The following HIBADH variants were observed in gnomAD, a reference collection of about 807,000 sequenced individuals.
HIBADH encodes 3-hydroxyisobutyrate dehydrogenase, mitochondrial.
HIBADH carries 25 observed loss-of-function variants against 36.1 expected under a neutral mutation model. The observed-to-expected ratio is 0.69, with a 90% CI of 0.50 to 0.97. The LOEUF (loss-of-function observed/expected upper bound fraction) is 0.97. Ranked by LOEUF, HIBADH falls within the 50% of genes least tolerant of loss-of-function variation. HIBADH has a pLI of 0.00. For missense variants in HIBADH, 421 were observed against 418.0 expected (o/e 1.01, Z -0.06); for synonymous variants, 160 against 149.5 (o/e 1.07, Z -0.51).
intron 7 of HIBADH, among the ~76,000 whole-genome samples, chr7:27,529,509 C>G (rs1029544713): frequency 6.6e-6 from 1 of 152,180 alleles, no homozygotes; most frequent in African/African-American, 2.4e-5. Flanking sequence ...GAGAAAGTCA[C>G]TGCAGACGTG....
chr7:27,623,910 G>A (rs1379444420), intron 4 of HIBADH, among the ~76,000 whole-genome samples: 4 of 152,108 alleles, frequency 2.6e-5, no homozygotes, highest in Admixed American at 6.6e-5. Flanking sequence ...TGATTCTCCC[G>A]CCTCAGCCTA....
rs181728489 is a variant in HIBADH at position 27,605,085 on chromosome 7, T to C, written c.484+24286A>G. Among the ~76,000 whole-genome samples, 235 of 152,286 alleles carry C rather than the reference T, an allele frequency of 1.5e-3. 1 individual carries two copies. Among genetic ancestry groups the C allele is most frequent in the Non-Finnish European group, 2.5e-3 (168 of 67,998 alleles). On this transcript the variant is annotated intron_variant, in intron 4 of 7. Coordinates refer to ENST00000265395, the MANE Select transcript of HIBADH (RefSeq NM_152740.4). ...CTGACAACATATCCTATCACCTGGA[T>C]AGCTGTATTAAGTAATTTAATTGTT...
intron 7 of HIBADH, 61 bp from the exon 8 acceptor site, chr7:27,526,433 GGTTC>G (rs1017406762): frequency 7.2e-7 from 1 of 1,382,568 alleles, no homozygotes; most frequent in Non-Finnish European, 9.6e-7. Context: ...TTGGAACTGT[GGTTC>G]CTTATGTTTT....
chr7:27,617,068 G>C (rs889779775), intron 4 of HIBADH, among the ~76,000 whole-genome samples: 1 of 123,798 alleles, frequency 8.1e-6, no homozygotes, highest in Non-Finnish European at 1.7e-5. Flanking sequence ...AATGTCCTGG[G>C]CCTTCACATT....
At position 27,633,712 on chromosome 7, in the gene HIBADH, CT is replaced by C. The variant is rs112916339; in HGVS notation, c.253-1268del. Among the ~76,000 whole-genome samples, 1,152 of 152,126 alleles carry C rather than the reference CT, an allele frequency of 7.6e-3. 13 individuals carry two copies. Among genetic ancestry groups the C allele is most frequent in the African/African-American group, 0.026 (1,085 of 41,496 alleles). The stretch of plus-strand genomic sequence containing the variant: ...TCCGGCATCCCAACTGTCACAACAT[CT>C]TCTGCAAAGCCTTTTTTCTCTTCAT... On this transcript the variant is annotated intron_variant, in intron 2 of 7. Coordinates refer to ENST00000265395, the MANE Select transcript of HIBADH (RefSeq NM_152740.4).
At chr7:27,558,649 T>C (rs1392660509) in intron 4 of HIBADH, among the ~76,000 whole-genome samples, 4 of 151,986 alleles carry the variant, frequency 2.6e-5, no homozygotes, top group East Asian at 1.9e-4. Context: ...GTGAGCCATA[T>C]TCACTCCAGC....
chr7:27,652,859 C>G (rs532176217), intron 1 of HIBADH, among the ~76,000 whole-genome samples: 205 of 152,238 alleles, frequency 1.3e-3, no homozygotes, highest in African/African-American at 4.7e-3. Context: ...CCAGGCGCAG[C>G]GGCTCACGCC....
intron 4 of HIBADH, among the ~76,000 whole-genome samples, chr7:27,555,910 T>A (rs1457575800): frequency 6.6e-6 from 1 of 152,148 alleles, no homozygotes; most frequent in African/African-American, 2.4e-5. Context: ...TAGGGTCACA[T>A]GATCAAGGGT....
At chr7:27,561,259 T>C (rs748076600) in intron 4 of HIBADH, among the ~76,000 whole-genome samples, 1 of 152,292 alleles carries the variant, frequency 6.6e-6, no homozygotes, top group Non-Finnish European at 1.5e-5. Flanking sequence ...CAAATTCCAC[T>C]CAAAACTTGC....
Position 27,549,229 on chromosome 7 carries a change from C to G in HIBADH, c.485-6129G>C, listed in dbSNP as rs146423347. On this transcript the variant is annotated intron_variant, in intron 4 of 7. Coordinates refer to ENST00000265395, the MANE Select transcript of HIBADH (RefSeq NM_152740.4). ...ACAACATGGTGATTATAGTTAATAA[C>G]AATGTATTGTATTCTTGAAAATTGC... Among the ~76,000 whole-genome samples the G allele has an allele frequency of 2.6e-3, 398 of 152,146 alleles. 2 individuals carry two copies. The highest frequency in any genetic ancestry group is 9.1e-3 in the African/African-American group (377 of 41,526).
intron 2 of HIBADH, among the ~76,000 whole-genome samples, chr7:27,639,112 C>CCCAA (rs948244470): frequency 2.6e-5 from 4 of 152,158 alleles, no homozygotes; most frequent in Non-Finnish European, 4.4e-5. Context: ...GGAATATAAA[C>CCCAA]AGTTCACCAT....
chr7:27,660,967 T>C (rs1436485800), intron 1 of HIBADH, among the ~76,000 whole-genome samples: 3 of 152,144 alleles, frequency 2.0e-5, no homozygotes. Flanking sequence ...TTAGAACACC[T>C]TGTAAAACCA....
At chr7:27,600,565 T>C (rs1785113961) in intron 4 of HIBADH, among the ~76,000 whole-genome samples, 1 of 152,154 alleles carries the variant, frequency 6.6e-6, no homozygotes. Flanking sequence ...GGTCAGAATA[T>C]ATTTTCAAAA....
chr7:27,561,810 T>C (rs937742403), intron 4 of HIBADH, among the ~76,000 whole-genome samples: 6 of 152,324 alleles, frequency 3.9e-5, no homozygotes, highest in African/African-American at 9.6e-5. Context: ...CACGTTTACA[T>C]TGTCATATCT....
At chr7:27,640,165 G>A (rs932351585) in intron 2 of HIBADH, among the ~76,000 whole-genome samples, 1 of 152,172 alleles carries the variant, frequency 6.6e-6, no homozygotes, top group Non-Finnish European at 1.5e-5. Flanking sequence ...ACAATGTACA[G>A]TCAATTAATA....
intron 1 of HIBADH, among the ~76,000 whole-genome samples, chr7:27,650,712 TAAAA>T (rs59073946): frequency 3.3e-4 from 42 of 126,266 alleles, no homozygotes; most frequent in Non-Finnish European, 4.1e-4. Flanking sequence ...AGGCTGCCAT[TAAAA>T]AAAAAAAAAA....
At chr7:27,616,698 G>C (rs1185886745) in intron 4 of HIBADH, among the ~76,000 whole-genome samples, 2 of 152,136 alleles carry the variant, frequency 1.3e-5, no homozygotes, top group Non-Finnish European at 2.9e-5. Flanking sequence ...CCGGGCTCAA[G>C]TGATGTGCTC....
At chr7:27,662,021 T>C (rs1786432446) in intron 1 of HIBADH, among the ~76,000 whole-genome samples, 1 of 152,120 alleles carries the variant, frequency 6.6e-6, no homozygotes, top group African/African-American at 2.4e-5. Flanking sequence ...CAATTTACCA[T>C]GGTATGAGAG....
intron 1 of HIBADH, among the ~76,000 whole-genome samples, chr7:27,661,609 A>AG (rs1447949383): frequency 1.6e-5 from 2 of 128,488 alleles, no homozygotes; most frequent in Non-Finnish European, 3.3e-5. Flanking sequence ...AAAAAAAAAA[A>AG]GGGCGGGGGG....
Sources: allele counts gnomAD v4.1 joint callset (sites outside exome capture counted in the v4.1 genomes callset), GRCh38; gene constraint gnomAD v4.1.1; transcripts MANE v1.5; gene names NCBI Gene and HGNC (gene_info 2026-07-23, HGNC 2026-07-21).